CSRNP3: variants seen among roughly 807,000 people sequenced by gnomAD.
CSRNP3 encodes the protein cysteine/serine-rich nuclear protein 3.
Under a neutral mutation model 48.0 loss-of-function variants are expected in CSRNP3, and 12 were observed. That is an observed-to-expected ratio of 0.25 (90% CI 0.16 to 0.41). The LOEUF is 0.41. Among genes scored for constraint, CSRNP3 ranks in the 10% least tolerant of loss-of-function variants. CSRNP3 has a pLI of 1.00. For missense variants in CSRNP3, 580 were observed against 724.4 expected, an observed-to-expected ratio of 0.80 and a Z score of 2.29; for synonymous variants, 263 against 269.7, an observed-to-expected ratio of 0.98 and a Z score of 0.24.
chr2:165,653,945 CTG>C (rs1686958857), intron 4 of CSRNP3, among the ~76,000 whole-genome samples: 1 of 111,776 alleles, frequency 8.9e-6, no homozygotes, highest in African/African-American at 3.6e-5. Context: ...GCACTCCAGT[CTG>C]GGCAACAAGA....
At position 165,679,631 on chromosome 2, in the gene CSRNP3, G is replaced by T. The variant is rs1341190824; in HGVS notation, c.1636G>T (p.Ala546Ser). The T allele has an allele frequency of 6.2e-7, 1 of 1,614,132 alleles. No individual in the cohort carries two copies. Among genetic ancestry groups the T allele is most frequent in the Non-Finnish European group, 8.5e-7 (1 of 1,179,986 alleles). The change falls in exon 7 of 7, where the codon GCA becomes TCA. Residue 546 changes from alanine to serine, a missense_variant. Ala to Ser is a moderately conservative substitution (Grantham distance 99). Transcript: ENST00000651982. ...CCCCTCCCAAGAAGGGTTTGTCTCT[G>T]CATTGAATGGTGACAGTCACATTTC... ...KGPSQEGFVS[A>S]LNGDSHISEH...
At chr2:165,623,094 A>AT (rs1686368194) in intron 4 of CSRNP3, among the ~76,000 whole-genome samples, 1 of 152,234 alleles carries the variant, frequency 6.6e-6, no homozygotes, top group African/African-American at 2.4e-5. Context: ...ATAAAATAAA[A>AT]AAATGACAAT....
chr2:165,595,005 A>T, intron 3 of CSRNP3, 38 bp from the exon 4 acceptor site: 1 of 1,585,688 alleles, frequency 6.3e-7, no homozygotes, highest in South Asian at 1.1e-5. Flanking sequence ...TCAGCGGTCA[A>T]ATATTTCAAT....
intron 3 of CSRNP3, among the ~76,000 whole-genome samples, chr2:165,538,259 T>A (rs1189991570): frequency 1.3e-5 from 2 of 151,986 alleles, no homozygotes; most frequent in Non-Finnish European, 2.9e-5. Flanking sequence ...CCTTTTATTA[T>A]TATTAATTAT....
At chr2:165,607,028 G>T (rs1419293334) in intron 4 of CSRNP3, among the ~76,000 whole-genome samples, 1 of 151,988 alleles carries the variant, frequency 6.6e-6, no homozygotes, top group Non-Finnish European at 1.5e-5. Context: ...CCATAAATAT[G>T]AGTATTAAGC....
At chr2:165,501,263 GAGTTA>G (rs1424616508) in intron 2 of CSRNP3, among the ~76,000 whole-genome samples, 2 of 152,120 alleles carry the variant, frequency 1.3e-5, no homozygotes, top group South Asian at 2.1e-4. Context: ...GAAACCTAGG[GAGTTA>G]AGTTAACTGA....
chr2:165,653,869 G>A (rs1243900365), intron 4 of CSRNP3, among the ~76,000 whole-genome samples: 2 of 150,280 alleles, frequency 1.3e-5, no homozygotes, highest in Non-Finnish European at 2.9e-5. Context: ...CTACTCAGGA[G>A]GCTGAGGAAG....
In CSRNP3 at chr2:165,685,762, A is replaced by G. The variant is rs1294694034; in HGVS notation, c.*6009A>G. The G allele has an allele frequency of 3.3e-5, 5 of 152,112 alleles. No homozygotes were observed. Among genetic ancestry groups the G allele is most frequent in the African/African-American group, 9.7e-5 (4 of 41,432 alleles). The allele number at this position is 152,112 out of a possible 1,614,324, so 9.4% of individuals were successfully genotyped here. A position where few individuals can be genotyped will look rare whatever the true frequency, so the allele number is the denominator to read the frequency against. ...ACTGTGTCACTTTATGTCATCTCTC[A>G]TAAAAGTTTCTGGCAGGACTAAAGT... is the stretch of plus-strand genomic sequence containing the variant. On this transcript the variant is annotated 3_prime_UTR_variant, in exon 7 of 7. Coordinates refer to ENST00000651982, the MANE Select transcript of CSRNP3 (RefSeq NM_001172173.2).
At chr2:165,507,012 T>C (rs1296053355) in intron 2 of CSRNP3, among the ~76,000 whole-genome samples, 1 of 151,994 alleles carries the variant, frequency 6.6e-6, no homozygotes, top group Non-Finnish European at 1.5e-5. Flanking sequence ...TTCATAAACA[T>C]GAAAAAAAGC....
rs1687505247 is a variant in CSRNP3 at position 165,679,926 on chromosome 2, AAATACAGTCTC to A, written c.*174_*184del. ...TAGCCACATGACTGTGGCATTGCAC[AAATACAGTCTC>A]TGTAGGGATTTTAAAAGATTTCAGA... On this transcript the variant is annotated 3_prime_UTR_variant, in exon 7 of 7. Coordinates refer to ENST00000651982, the MANE Select transcript of CSRNP3 (RefSeq NM_001172173.2). The A allele has an allele frequency of 3.5e-6, 3 of 847,968 alleles. No individual in the cohort carries two copies. The highest frequency in any genetic ancestry group is 5.5e-6 in the Non-Finnish European group (3 of 550,452). 52.5% of individuals were successfully genotyped at this position (847,968 alleles called of 1,614,324 possible). A position where few individuals can be genotyped will look rare whatever the true frequency, so the allele number is the denominator to read the frequency against.
intron 3 of CSRNP3, among the ~76,000 whole-genome samples, chr2:165,592,593 A>G (rs555071096): frequency 4.2e-4 from 64 of 152,000 alleles, no homozygotes; most frequent in Non-Finnish European, 8.4e-4. Flanking sequence ...TAATTGAATC[A>G]TGGGGGCAGT....
chr2:165,520,142 GTCTA>G (rs1397570469), intron 3 of CSRNP3, among the ~76,000 whole-genome samples: 5 of 152,138 alleles, frequency 3.3e-5, no homozygotes, highest in African/African-American at 9.7e-5. Flanking sequence ...AAGGACATAG[GTCTA>G]TCTATGTGCA....
At chr2:165,522,541 G>T (rs1171715748) in intron 3 of CSRNP3, among the ~76,000 whole-genome samples, 1 of 151,932 alleles carries the variant, frequency 6.6e-6, no homozygotes, top group Admixed American at 6.6e-5. Flanking sequence ...AAGGAAAAGA[G>T]TTTATTACAT....
chr2:165,662,952 G>T (rs1687121269), intron 5 of CSRNP3, among the ~76,000 whole-genome samples: 1 of 151,976 alleles, frequency 6.6e-6, no homozygotes, highest in African/African-American at 2.4e-5. Flanking sequence ...AACAAAAAAA[G>T]TTGGCAGATG....
Position 165,679,964 on chromosome 2 carries a change from T to G in CSRNP3, c.*211T>G. 1 of 664,938 alleles carries G rather than the reference T, an allele frequency of 1.5e-6. No homozygotes were observed. Among genetic ancestry groups the G allele is most frequent in the Non-Finnish European group, 2.4e-6 (1 of 418,944 alleles). 41.2% of individuals were successfully genotyped at this position (664,938 alleles called of 1,614,324 possible). On this transcript the variant is annotated 3_prime_UTR_variant, in exon 7 of 7. Transcript: ENST00000651982. ...GTAGGGATTTTAAAAGATTTCAGACTGTTTTGATAGAAAAAGCTAAATTTT... is the reference window on the plus strand; with the variant it reads ...GTAGGGATTTTAAAAGATTTCAGACGGTTTTGATAGAAAAAGCTAAATTTT...
At chr2:165,616,415 A>G (rs879367978) in intron 4 of CSRNP3, among the ~76,000 whole-genome samples, 39 of 152,098 alleles carry the variant, frequency 2.6e-4, no homozygotes, top group South Asian at 6.2e-4. Flanking sequence ...TTTTACTTCC[A>G]GATGTTAGAC....
intron 2 of CSRNP3, among the ~76,000 whole-genome samples, chr2:165,504,552 T>TA (rs1345397179): frequency 1.3e-5 from 2 of 152,116 alleles, no homozygotes; most frequent in African/African-American, 4.8e-5. Flanking sequence ...CCATGCCATG[T>TA]AACAAAACTG....
Position 165,615,358 on chromosome 2 carries a change from ATGG to A in CSRNP3, c.148+20148_148+20150del, listed in dbSNP as rs1686219574. On this transcript the variant is annotated intron_variant, in intron 4 of 6. Coordinates refer to ENST00000651982, the MANE Select transcript of CSRNP3 (RefSeq NM_001172173.2). ...GGAGATCAAGACCATCCTGGCTAACATGGTGAAACCCCATCTCTACTAAAAATA... is the reference window on the plus strand; with the variant it reads ...GGAGATCAAGACCATCCTGGCTAACATGAAACCCCATCTCTACTAAAAATA... Among the ~76,000 whole-genome samples the A allele has an allele frequency of 3.3e-5, 5 of 152,082 alleles. No individual in the cohort carries two copies. In the South Asian group the frequency reaches 1.0e-3, roughly 32 times the overall value.
intron 3 of CSRNP3, among the ~76,000 whole-genome samples, chr2:165,581,051 G>A (rs1335259387): frequency 1.3e-5 from 2 of 152,170 alleles, no homozygotes; most frequent in Non-Finnish European, 2.9e-5. Flanking sequence ...AGTTTTAAAA[G>A]CCGTATCGTG....
Sources: gnomAD v4.1 joint callset for allele counts (sites outside exome capture counted in the v4.1 genomes callset) on GRCh38, gnomAD v4.1.1 for gene constraint, MANE v1.5 for transcripts, NCBI Gene and HGNC (gene_info 2026-07-23, HGNC 2026-07-21) for gene names.